Variants in PAX7 observed in about 807,000 individuals in gnomAD.
PAX7 encodes the protein paired box protein Pax-7.
PAX7 carries 18 observed loss-of-function variants against 50.7 expected under a neutral mutation model. The ratio of observed to expected loss-of-function variants is 0.36; its 90% CI spans 0.25 to 0.53. The LOEUF is 0.53. PAX7 is among the 20% of genes least tolerant of loss of function. PAX7 has a pLI of 0.93. For synonymous variants in PAX7, 310 were observed against 290.4 expected, an observed-to-expected ratio of 1.07 and a Z score of -0.69; for missense variants, 644 against 702.9, an observed-to-expected ratio of 0.92 and a Z score of 0.95.
At chr1:18,644,390 GA>G (rs146496117) in intron 4 of PAX7, among the ~76,000 whole-genome samples, 3,653 of 152,230 alleles carry the variant, frequency 0.024, 64 homozygotes, top group Non-Finnish European at 0.037. Flanking sequence ...TTCCTTCCAT[GA>G]AAAAAGAGAA....
intron 4 of PAX7, among the ~76,000 whole-genome samples, chr1:18,685,898 TCCATCA>T (rs561049071): frequency 1.0e-3 from 155 of 151,886 alleles, no homozygotes; most frequent in East Asian, 9.7e-3. Flanking sequence ...CAACCTTCCA[TCCATCA>T]CCATCACCAT....
chr1:18,722,581 T>C (rs1026191469), intron 7 of PAX7, among the ~76,000 whole-genome samples: 2 of 151,876 alleles, frequency 1.3e-5, no homozygotes, highest in Non-Finnish European at 2.9e-5. Context: ...GGAGAAGATA[T>C]TTGTTTTGTA....
rs533794707 is a variant in PAX7 at position 18,735,466 on chromosome 1, A to G, written c.1156-166A>G. ...CCGAAGACCAGCAGCCATCCCATGC[A>G]TGAGGGCACGCAAATCAGGTAAACT... On this transcript the variant is annotated intron_variant, in intron 7 of 8. Transcript: ENST00000420770. This position sits in a 1 kb window ranked among gnomAD's most constrained non-coding sequence, Gnocchi z 4.0. Among the ~76,000 whole-genome samples, 1 of 152,300 alleles carries G rather than the reference A, an allele frequency of 6.6e-6. No homozygotes were observed. Among genetic ancestry groups the G allele is most frequent in the South Asian group, 2.1e-4 (1 of 4,826 alleles).
chr1:18,647,587 G>T (rs2088366249), intron 4 of PAX7, among the ~76,000 whole-genome samples: 1 of 152,160 alleles, frequency 6.6e-6, no homozygotes, highest in African/African-American at 2.4e-5. Flanking sequence ...AGCATTCTGA[G>T]ATCCTAGATG....
intron 1 of PAX7, among the ~76,000 whole-genome samples, chr1:18,633,987 C>T (rs934153215): frequency 1.3e-5 from 2 of 152,244 alleles, no homozygotes; most frequent in Non-Finnish European, 2.9e-5. Flanking sequence ...CTCTCCCTCC[C>T]CTTCTTAGCA....
chr1:18,724,515 C>A (rs2089533129), intron 7 of PAX7, among the ~76,000 whole-genome samples: 1 of 152,230 alleles, frequency 6.6e-6, no homozygotes, highest in African/African-American at 2.4e-5. Context: ...TTGACAGGTG[C>A]ACCCACCTAA....
Position 18,631,422 on chromosome 1 carries a change from G to A in PAX7, c.-182G>A, listed in dbSNP as rs560268778. 225 of 599,086 alleles carry A rather than the reference G, an allele frequency of 3.8e-4. No homozygotes were observed. In the South Asian group the frequency reaches 4.5e-3, roughly 12 times the overall value. 37.1% of individuals were successfully genotyped at this position (599,086 alleles called of 1,614,324 possible). ...ACCTCACCCCCCTCCCCAGCTTCTG[G>A]ACGCGTTTGACTGCAGCCAGGGGTG... On this transcript the variant is annotated 5_prime_UTR_variant, in exon 1 of 9. Coordinates refer to ENST00000420770, the MANE Select transcript of PAX7 (RefSeq NM_001135254.2).
At position 18,700,076 on chromosome 1, in the gene PAX7, C is replaced by CTGTGTGTG. The variant is rs2089197777; in HGVS notation, c.787-577_787-576insTGTGTGTG. Among the ~76,000 whole-genome samples the CTGTGTGTG allele has an allele frequency of 8.6e-6, 1 of 115,682 alleles. No individual in the cohort carries two copies. The highest frequency in any genetic ancestry group is 4.1e-3 in the Middle Eastern group (1 of 244). The allele number at this position is 115,682 out of a possible 152,430, so 75.9% of individuals were successfully genotyped here. On this transcript the variant is annotated intron_variant, in intron 5 of 8. Transcript: ENST00000420770. This position sits in a 1 kb window ranked among gnomAD's most constrained non-coding sequence, Gnocchi z 4.8. ...ATTATCCCACTAATGTTTGATAAATCCGTGTGTGTGTGTGTGTGTGTGTGT... is the reference window on the plus strand; with the variant it reads ...ATTATCCCACTAATGTTTGATAAATCTGTGTGTGCGTGTGTGTGTGTGTGTGTGTGTGT...
rs781598733 is a variant in PAX7, at chr1:18,670,530, A to G, written c.587-21224A>G. ...AGCCCTAGCCCAGGCCTTGTTCTCC[A>G]CTAAGCACCTCTCCACTCTCTTGCT... On this transcript the variant is annotated intron_variant, in intron 4 of 8. Coordinates refer to ENST00000420770, the MANE Select transcript of PAX7 (RefSeq NM_001135254.2). Among the ~76,000 whole-genome samples the G allele has an allele frequency of 2.6e-5, 4 of 152,056 alleles. No individual in the cohort carries two copies. The South Asian group carries it at 6.2e-4, about 24-fold the overall frequency.
In PAX7 at chr1:18,636,761, G is replaced by A. The variant is rs1438510062; in HGVS notation, c.586+390G>A. Among the ~76,000 whole-genome samples the A allele has an allele frequency of 5.9e-5, 9 of 152,076 alleles. No individual in the cohort carries two copies. Among genetic ancestry groups the A allele is most frequent in the Non-Finnish European group, 1.5e-5 (1 of 67,996 alleles). On this transcript the variant is annotated intron_variant, in intron 4 of 8. Transcript: ENST00000420770. The surrounding 1 kb of genome is among the most constrained non-coding windows in gnomAD (Gnocchi z 5.1). ...TATAGGAAACTTGGGCAAGGGGGCG[G>A]GGGACGGGAGGGAGGGAGAGAGGAA... is the stretch of plus-strand genomic sequence containing the variant.
intron 7 of PAX7, among the ~76,000 whole-genome samples, chr1:18,725,853 C>G: frequency 7.2e-6 from 1 of 138,066 alleles, no homozygotes; most frequent in South Asian, 2.8e-4. Flanking sequence ...TGGGCACCTT[C>G]AGACTCAGGC....
At position 18,631,364 on chromosome 1, in the gene PAX7, G is replaced by C. The variant is rs996749579; in HGVS notation, c.-240G>C. ...GTTTGTTTGTTTGAACTTCCTCGTC[G>C]TCGCCACCTTCCCTCCCCCCAACCT... On this transcript the variant is annotated 5_prime_UTR_variant, in exon 1 of 9. Coordinates refer to ENST00000420770, the MANE Select transcript of PAX7 (RefSeq NM_001135254.2). The C allele has an allele frequency of 3.9e-6, 2 of 518,688 alleles. No homozygotes were observed. Among genetic ancestry groups the C allele is most frequent in the Non-Finnish European group, 6.9e-6 (2 of 288,106 alleles). The allele number at this position is 518,688 out of a possible 1,614,324, so 32.1% of individuals were successfully genotyped here.
intron 4 of PAX7, among the ~76,000 whole-genome samples, chr1:18,675,758 C>T (rs1052094093): frequency 2.0e-5 from 3 of 152,232 alleles, no homozygotes; most frequent in South Asian, 4.1e-4. Context: ...TGTTCGACCC[C>T]GATGTGTTGA....
At chr1:18,656,527 C>T (rs1229025632) in intron 4 of PAX7, among the ~76,000 whole-genome samples, 3 of 151,772 alleles carry the variant, frequency 2.0e-5, no homozygotes, top group Admixed American at 6.6e-5. Context: ...ATGTAACAGG[C>T]GGCTTCATTT....
intron 7 of PAX7, among the ~76,000 whole-genome samples, chr1:18,715,348 T>C (rs959476570): frequency 1.3e-5 from 2 of 152,234 alleles, no homozygotes; most frequent in African/African-American, 4.8e-5. Context: ...TAATACAGTA[T>C]GTCTGTATTG....
At chr1:18,727,006 G>T (rs1473127774) in intron 7 of PAX7, among the ~76,000 whole-genome samples, 1 of 152,204 alleles carries the variant, frequency 6.6e-6, no homozygotes, top group African/African-American at 2.4e-5. Context: ...CCCTATACAT[G>T]TGCAGTGCTC....
chr1:18,675,267 G>A (rs893282491), intron 4 of PAX7, among the ~76,000 whole-genome samples: 2 of 152,018 alleles, frequency 1.3e-5, no homozygotes, highest in Non-Finnish European at 2.9e-5. Context: ...AAAAAAAGCC[G>A]AAAGTGTCCA....
At chr1:18,722,728 G>T (rs548527738) in intron 7 of PAX7, among the ~76,000 whole-genome samples, 2 of 152,140 alleles carry the variant, frequency 1.3e-5, no homozygotes, top group African/African-American at 2.4e-5. Context: ...TGCCAGCAGG[G>T]AGCAGGAGGG....
intron 4 of PAX7, among the ~76,000 whole-genome samples, chr1:18,676,485 T>G (rs1164359073): frequency 2.7e-3 from 11 of 4,004 alleles, no homozygotes; most frequent in African/African-American, 6.6e-3. Flanking sequence ...GGCCCATGAG[T>G]GGCTGGGGGA....
Sources: allele counts gnomAD v4.1 joint callset (sites outside exome capture counted in the v4.1 genomes callset), GRCh38; gene constraint gnomAD v4.1.1; non-coding constraint Gnocchi (gnomAD v3.1); transcripts MANE v1.5; gene names NCBI Gene and HGNC (gene_info 2026-07-23, HGNC 2026-07-21).